The following MACROH2A2 variants were observed in gnomAD, a reference collection of about 807,000 sequenced individuals.
The protein encoded by MACROH2A2 is core histone macro-H2A.2.
In MACROH2A2, 6 loss-of-function variants were observed where a neutral mutation model predicts 37.6. That is an observed-to-expected ratio of 0.16 (90% CI 0.09 to 0.32). MACROH2A2 has a LOEUF of 0.32. Among genes scored for constraint, MACROH2A2 ranks in the 10% least tolerant of loss-of-function variants. The pLI, the probability that MACROH2A2 is intolerant of heterozygous loss-of-function variation, is 1.00. For synonymous variants in MACROH2A2, 192 were observed against 202.7 expected, an observed-to-expected ratio of 0.95 and a Z score of 0.45; for missense variants, 290 against 485.9, an observed-to-expected ratio of 0.60 and a Z score of 3.79.
At chr10:70,064,812 C>T (rs1312201854) in intron 1 of MACROH2A2, among the ~76,000 whole-genome samples, 1 of 151,938 alleles carries the variant, frequency 6.6e-6, no homozygotes, top group African/African-American at 2.4e-5. Context: ...CTTTTTGTTC[C>T]CAGTTTTGCA....
chr10:70,069,510 G>A (rs1483137779), intron 1 of MACROH2A2, among the ~76,000 whole-genome samples: 1 of 152,072 alleles, frequency 6.6e-6, no homozygotes, highest in African/African-American at 2.4e-5. Context: ...GTGCATCTGG[G>A]AAAATGGGGC....
chr10:70,107,375 C>G lies in MACROH2A2; in HGVS notation c.779-1658C>G, dbSNP rs1056632950. Among the ~76,000 whole-genome samples, 8 of 152,234 alleles carry G rather than the reference C, an allele frequency of 5.3e-5. No individual in the cohort carries two copies. The highest frequency in any genetic ancestry group is 7.3e-5 in the Non-Finnish European group (5 of 68,050). On this transcript the variant is annotated intron_variant, in intron 7 of 8. Transcript: ENST00000373255. This position sits in a 1 kb window ranked among gnomAD's most constrained non-coding sequence, Gnocchi z 4.4. ...CAGTCTTTCACCTCAACCCCACACACAGCTCTGGAATACGGCGGACACACG... is the reference window on the plus strand; with the variant it reads ...CAGTCTTTCACCTCAACCCCACACAGAGCTCTGGAATACGGCGGACACACG...
chr10:70,079,088 A>G (rs2136627511), intron 2 of MACROH2A2, among the ~76,000 whole-genome samples: 1 of 152,304 alleles, frequency 6.6e-6, no homozygotes, highest in Admixed American at 6.5e-5. Context: ...ACGCCTCACA[A>G]TAAGATCAGG....
chr10:70,091,693 A>T, intron 3 of MACROH2A2, 64 bp from the exon 4 acceptor site: 2 of 1,071,108 alleles, frequency 1.9e-6, no homozygotes, highest in Non-Finnish European at 2.8e-6. Context: ...AAAAAAAAAG[A>T]ACTGTATGAA....
chr10:70,058,155 CTG>C (rs1424725315), intron 1 of MACROH2A2, among the ~76,000 whole-genome samples: 1 of 152,212 alleles, frequency 6.6e-6, no homozygotes, highest in Non-Finnish European at 1.5e-5. Flanking sequence ...CCACAGAACT[CTG>C]TACTTTAAGC....
rs189952943 is a variant in MACROH2A2 at position 70,068,537 on chromosome 10, G to A, written c.-59-7063G>A. Among the ~76,000 whole-genome samples, 26 of 152,324 alleles carry A rather than the reference G, an allele frequency of 1.7e-4. No individual in the cohort carries two copies. The East Asian group carries it at 4.4e-3, about 26-fold the overall frequency. On this transcript the variant is annotated intron_variant, in intron 1 of 8. Coordinates refer to ENST00000373255, the MANE Select transcript of MACROH2A2 (RefSeq NM_018649.3). ...ACTGCACAGGTACCCAGACCTTGGA[G>A]TCAGATTGGACACTGCCACCCTCAT... is the stretch of plus-strand genomic sequence containing the variant.
chr10:70,110,135 G>A (rs950276141), intron 8 of MACROH2A2, among the ~76,000 whole-genome samples: 11 of 152,150 alleles, frequency 7.2e-5, no homozygotes, highest in African/African-American at 2.7e-4. Flanking sequence ...CCACGGCAGT[G>A]CTGTTCTGTG....
chr10:70,086,001 A>AT lies in MACROH2A2; in HGVS notation c.173-4046dup, dbSNP rs56655318. On this transcript the variant is annotated intron_variant, in intron 2 of 8. Transcript: ENST00000373255. ...GTTTTTCTTGTTTCATTTGCTTTGA[A>AT]TTTTTTTTTTTTTAGAGGCAGGGTC... Among the ~76,000 whole-genome samples the AT allele has an allele frequency of 1.6e-3, 237 of 147,800 alleles. 2 individuals carry two copies. The highest frequency in any genetic ancestry group is 4.2e-3 in the Admixed American group (63 of 14,878).
intron 2 of MACROH2A2, among the ~76,000 whole-genome samples, chr10:70,079,116 TGA>T (rs1007664537): frequency 5.3e-5 from 8 of 151,904 alleles, no homozygotes; most frequent in African/African-American, 1.9e-4. Context: ...GGGCAGGGAA[TGA>T]GAGGAACTTC....
intron 2 of MACROH2A2, among the ~76,000 whole-genome samples, chr10:70,087,869 T>C (rs2072220622): frequency 1.3e-5 from 2 of 152,252 alleles, no homozygotes; most frequent in Admixed American, 6.5e-5. Flanking sequence ...GAAATGCCTA[T>C]GAATATTTAA....
intron 1 of MACROH2A2, among the ~76,000 whole-genome samples, chr10:70,060,039 C>CAA (rs1375835471): frequency 6.6e-6 from 1 of 152,182 alleles, no homozygotes; most frequent in Non-Finnish European, 1.5e-5. Context: ...GCAAAAGACC[C>CAA]AAGCCACTTG....
chr10:70,079,579 A>G (rs1251668063), intron 2 of MACROH2A2, among the ~76,000 whole-genome samples: 66 of 151,296 alleles, frequency 4.4e-4, no homozygotes, highest in African/African-American at 1.3e-3. Flanking sequence ...ACACACACAC[A>G]CACACACACA....
At chr10:70,066,610 G>A (rs2072080355) in intron 1 of MACROH2A2, among the ~76,000 whole-genome samples, 1 of 152,186 alleles carries the variant, frequency 6.6e-6, no homozygotes, top group Admixed American at 6.5e-5. Context: ...TGATTGAGAA[G>A]CTGAGTGATT....
chr10:70,058,300 A>G (rs1292372917), intron 1 of MACROH2A2, among the ~76,000 whole-genome samples: 3 of 152,196 alleles, frequency 2.0e-5, no homozygotes, highest in African/African-American at 4.8e-5. Context: ...TGGACTTGGA[A>G]TGGAGTAAGT....
chr10:70,087,439 G>A (rs947070412), intron 2 of MACROH2A2, among the ~76,000 whole-genome samples: 1 of 151,798 alleles, frequency 6.6e-6, no homozygotes, highest in African/African-American at 2.4e-5. Context: ...CACCATGTTG[G>A]CCAGTCTGGT....
At chr10:70,090,798 A>G (rs1317371662) in intron 3 of MACROH2A2, among the ~76,000 whole-genome samples, 1 of 152,242 alleles carries the variant, frequency 6.6e-6, no homozygotes, top group Non-Finnish European at 1.5e-5. Flanking sequence ...TTTTGTTATC[A>G]GATTCAACAG....
At chr10:70,084,193 A>G (rs140615423) in intron 2 of MACROH2A2, among the ~76,000 whole-genome samples, 1 of 152,218 alleles carries the variant, frequency 6.6e-6, no homozygotes, top group African/African-American at 2.4e-5. Flanking sequence ...TTTCTTATCT[A>G]ATGATCCTTA....
intron 1 of MACROH2A2, among the ~76,000 whole-genome samples, chr10:70,058,264 G>A (rs772082418): frequency 6.6e-5 from 10 of 152,098 alleles, no homozygotes; most frequent in South Asian, 2.1e-4. Flanking sequence ...TACTTTGCCC[G>A]ATTTATTTGA....
chr10:70,089,800 C>G (rs1244386226), intron 2 of MACROH2A2, among the ~76,000 whole-genome samples: 3 of 151,554 alleles, frequency 2.0e-5, no homozygotes, highest in Non-Finnish European at 1.5e-5. Flanking sequence ...ACTCTGTTGC[C>G]CAGGCTGGGG....
Sources: gnomAD v4.1 joint callset for allele counts (sites outside exome capture counted in the v4.1 genomes callset) on GRCh38, gnomAD v4.1.1 for gene constraint, Gnocchi (gnomAD v3.1) non-coding constraint, MANE v1.5 for transcripts, NCBI Gene and HGNC (gene_info 2026-07-23, HGNC 2026-07-21) for gene names.